Variants in WNT6 observed in about 807,000 individuals in gnomAD.
WNT6 encodes the protein Wnt family member 6.
In WNT6, 27 loss-of-function variants were observed where a neutral mutation model predicts 33.1. The observed-to-expected ratio is 0.82, with a 90% CI of 0.60 to 1.12. The LOEUF (loss-of-function observed/expected upper bound fraction) is 1.12, where lower values mean the gene tolerates loss of function less well. Ranked by LOEUF, WNT6 falls within the 50% of genes most tolerant of loss-of-function variation. The pLI is 0.00. For missense variants in WNT6, 494 were observed against 535.3 expected (o/e 0.92, Z 0.76); for synonymous variants, 249 against 242.8 (o/e 1.03, Z -0.24).
intron 1 of WNT6, 148 bp from the exon 2 acceptor site, chr2:218,870,879 G>A: frequency 1.4e-6 from 1 of 691,800 alleles, no homozygotes; most frequent in South Asian, 1.9e-5. Flanking sequence ...AGGAGAGCCA[G>A]ACAGGACAAT....
In WNT6 at chr2:218,873,723, G is replaced by A. The variant is rs1262183703; in HGVS notation, c.976G>A (p.Gly326Ser). 2 of 1,575,028 alleles carry A rather than the reference G, an allele frequency of 1.3e-6. No individual in the cohort carries two copies. Among genetic ancestry groups the A allele is most frequent in the Non-Finnish European group, 1.7e-6 (2 of 1,166,956 alleles). ...CAGCGGCTGCGACCTGCTGTGCTGCGGCCGCGGGCACCGCCAGGAGAGCGT... is the reference window on the plus strand; with the variant it reads ...CAGCGGCTGCGACCTGCTGTGCTGCAGCCGCGGGCACCGCCAGGAGAGCGT... Reference protein sequence around the residue: ...DLSGCDLLCCGRGHRQESVQL... With the variant: ...DLSGCDLLCCSRGHRQESVQL... The change falls in exon 4 of 4, where the codon GGC becomes AGC. Residue 326 changes from glycine (G) to serine (S), a missense_variant. Transcript: ENST00000233948. The surrounding 1 kb of genome is among the most constrained non-coding windows in gnomAD (Gnocchi z 6.1).
chr2:218,860,710 G>C (rs1441493146), intron 1 of WNT6, among the ~76,000 whole-genome samples: 1 of 152,206 alleles, frequency 6.6e-6, no homozygotes, highest in Non-Finnish European at 1.5e-5. Context: ...GGCCCTTCCA[G>C]ACCTGGGGGT....
At position 218,871,665 on chromosome 2, in the gene WNT6, C is replaced by A; in HGVS notation, c.482C>A (p.Pro161Gln). Reference protein sequence around the residue: ...TPGPPGPAGSPEGSAAWEWGG... With the variant: ...TPGPPGPAGSQEGSAAWEWGG... ...GGACCCCCTGGCCCCGCGGGCTCCC[C>A]GGAAGGCAGCGCCGCCTGGGAGTGG... is the stretch of plus-strand genomic sequence containing the variant. Residue 161 changes from proline to glutamine, a missense_variant, in exon 3 of 4, where the codon CCG (proline) becomes CAG (glutamine). Physicochemically the swap from Pro to Gln is moderately conservative, Grantham distance 76. Coordinates refer to ENST00000233948, the MANE Select transcript of WNT6 (RefSeq NM_006522.4). The surrounding 1 kb of genome is among the most constrained non-coding windows in gnomAD (Gnocchi z 6.4). The A allele has an allele frequency of 6.5e-7, 1 of 1,542,188 alleles. No homozygotes were observed. The highest frequency in any genetic ancestry group is 1.2e-5 in the South Asian group (1 of 82,906).
In WNT6 at chr2:218,863,420, C is replaced by T. The variant is rs147575338; in HGVS notation, c.80+3303C>T. Among the ~76,000 whole-genome samples the T allele has an allele frequency of 4.3e-4, 66 of 152,326 alleles. No individual in the cohort carries two copies. In the East Asian group the frequency reaches 0.011, roughly 26 times the overall value. On this transcript the variant is annotated intron_variant, in intron 1 of 3. Coordinates refer to ENST00000233948, the MANE Select transcript of WNT6 (RefSeq NM_006522.4). ...AGGACCCCAGGACCTTTGAGTGACT[C>T]GACTGTCTTGGTCAGGAAAGAGGCT... is the stretch of plus-strand genomic sequence containing the variant.
chr2:218,873,878 A>G lies in WNT6; in HGVS notation c.*33A>G, dbSNP rs745340366. The G allele has an allele frequency of 2.2e-5, 31 of 1,416,344 alleles. No individual in the cohort carries two copies. The highest frequency in any genetic ancestry group is 2.8e-5 in the Non-Finnish European group (30 of 1,090,772). 87.7% of individuals were successfully genotyped at this position (1,416,344 alleles called of 1,614,324 possible). On this transcript the variant is annotated 3_prime_UTR_variant, in exon 4 of 4. Transcript: ENST00000233948. The surrounding 1 kb of genome is among the most constrained non-coding windows in gnomAD (Gnocchi z 6.1). ...CCCGGCCGCTAGACTGACTTCGCGC[A>G]GCGGTGGCTCGCACCTGTGGGACCT...
intron 1 of WNT6, among the ~76,000 whole-genome samples, chr2:218,860,928 G>A (rs574524909): frequency 6.6e-6 from 1 of 151,960 alleles, no homozygotes; most frequent in Admixed American, 6.6e-5. Context: ...GTGCCCGACC[G>A]GGACGGCTCA....
chr2:218,873,379 C>G lies in WNT6; in HGVS notation c.637-5C>G, dbSNP rs749429122. 6 of 1,533,286 alleles carry G rather than the reference C, an allele frequency of 3.9e-6. No homozygotes were observed. In the South Asian group the frequency reaches 6.0e-5, roughly 15 times the overall value. The allele number at this position is 1,533,286 out of a possible 1,614,324, so 95.0% of individuals were successfully genotyped here. A position where few individuals can be genotyped will look rare whatever the true frequency, so the allele number is the denominator to read the frequency against. On this transcript the variant is annotated splice_polypyrimidine_tract_variant and splice_region_variant and intron_variant, in intron 3 of 3. Transcript: ENST00000233948. The surrounding 1 kb of genome is among the most constrained non-coding windows in gnomAD (Gnocchi z 6.1). ...CACATGCGTCCGCCCCTCTGCCTCC[C>G]GCAGGCCGTGCGGAGCCACACGCGC...
Position 218,867,614 on chromosome 2 carries a change from G to C in WNT6, c.81-3413G>C, listed in dbSNP as rs1944363972. 6.6e-6 allele frequency among the ~76,000 whole-genome samples: 1 copy of C among 152,174 alleles called. No individual in the cohort carries two copies. Among genetic ancestry groups the C allele is most frequent in the Non-Finnish European group, 1.5e-5 (1 of 68,036 alleles). On this transcript the variant is annotated intron_variant, in intron 1 of 3. Coordinates refer to ENST00000233948, the MANE Select transcript of WNT6 (RefSeq NM_006522.4). This position sits in a 1 kb window ranked among gnomAD's most constrained non-coding sequence, Gnocchi z 4.9. ...TCATTTTTTTCTATGCCCAGGAATG[G>C]CTGTTTGATGAGGATCCCAGATCCT...
rs181844292 is a variant in WNT6 at position 218,861,348 on chromosome 2, T to C, written c.80+1231T>C. ...GCTTAGTATAATGCAGTGGCAGCTT[T>C]GAAGCAGATAGATCTAAGATCTAAA... On this transcript the variant is annotated intron_variant, in intron 1 of 3. Transcript: ENST00000233948. Among the ~76,000 whole-genome samples the C allele has an allele frequency of 3.3e-3, 499 of 152,348 alleles. 5 individuals carry two copies. The highest frequency in any genetic ancestry group is 0.011 in the African/African-American group (457 of 41,578).
Position 218,871,418 on chromosome 2 carries a change from G to A in WNT6, c.302-67G>A, listed in dbSNP as rs1944399286. 1 of 1,554,936 alleles carries A rather than the reference G, an allele frequency of 6.4e-7. No individual in the cohort carries two copies. The highest frequency in any genetic ancestry group is 8.7e-7 in the Non-Finnish European group (1 of 1,149,246). On this transcript the variant is annotated intron_variant, in intron 2 of 3. Coordinates refer to ENST00000233948, the MANE Select transcript of WNT6 (RefSeq NM_006522.4). The surrounding 1 kb of genome is among the most constrained non-coding windows in gnomAD (Gnocchi z 6.4). ...CCCCTGGGGCAGCCCTCCCGCCGCA[G>A]GTTTCAGGTCCCAGGCCCCAGCTGA...
chr2:218,871,827 CGGG>C lies in WNT6; in HGVS notation c.636+9_636+11del. 1 of 1,574,954 alleles carries C rather than the reference CGGG, an allele frequency of 6.3e-7. No homozygotes were observed. Among genetic ancestry groups the C allele is most frequent in the Non-Finnish European group, 8.6e-7 (1 of 1,162,840 alleles). On this transcript the variant is annotated intron_variant, in intron 3 of 3. Coordinates refer to ENST00000233948, the MANE Select transcript of WNT6 (RefSeq NM_006522.4). This position sits in a 1 kb window ranked among gnomAD's most constrained non-coding sequence, Gnocchi z 6.4. ...AACGAGGCGGGCAGGCTGGTGCGTA[CGGG>C]CAGGATGGAGTGAGTGTGTGCGGAA...
chr2:218,865,608 C>T (rs924748960), intron 1 of WNT6, among the ~76,000 whole-genome samples: 2 of 152,184 alleles, frequency 1.3e-5, no homozygotes, highest in African/African-American at 4.8e-5. Context: ...GACTGAGAGT[C>T]CACCTCTGGC....
At chr2:218,865,388 A>G (rs888575343) in intron 1 of WNT6, among the ~76,000 whole-genome samples, 6 of 152,210 alleles carry the variant, frequency 3.9e-5, no homozygotes, top group Non-Finnish European at 8.8e-5. Context: ...AGGGAGAGAA[A>G]GGGCTCTGGG....
At chr2:218,869,391 A>G (rs1175463046) in intron 1 of WNT6, among the ~76,000 whole-genome samples, 1 of 152,124 alleles carries the variant, frequency 6.6e-6, no homozygotes, top group Non-Finnish European at 1.5e-5. Flanking sequence ...TCTATTTAAG[A>G]CCATCACATT....
Position 218,871,429 on chromosome 2 carries a change from C to T in WNT6, c.302-56C>T. Reference sequence around the variant, plus strand: ...GCCCTCCCGCCGCAGGTTTCAGGTCCCAGGCCCCAGCTGACCGCCCCAGCC... The same window carrying T: ...GCCCTCCCGCCGCAGGTTTCAGGTCTCAGGCCCCAGCTGACCGCCCCAGCC... On this transcript the variant is annotated intron_variant, in intron 2 of 3. Transcript: ENST00000233948. The surrounding 1 kb of genome is among the most constrained non-coding windows in gnomAD (Gnocchi z 6.4). The T allele has an allele frequency of 6.4e-7, 1 of 1,570,042 alleles. No individual in the cohort carries two copies. Among genetic ancestry groups the T allele is most frequent in the Non-Finnish European group, 8.6e-7 (1 of 1,161,442 alleles).
Position 218,873,329 on chromosome 2 carries a change from C to G in WNT6, c.637-55C>G, listed in dbSNP as rs1175215287. 6.8e-7 allele frequency: 1 copy of G among 1,471,164 alleles called. No individual in the cohort carries two copies. The highest frequency in any genetic ancestry group is 9.1e-7 in the Non-Finnish European group (1 of 1,100,254). 91.1% of individuals were successfully genotyped at this position (1,471,164 alleles called of 1,614,324 possible). ...TCTTATTTTCTGTCCATCCGCTGGG[C>G]CCTTCCCTGCACCCCCTACCTGTCC... On this transcript the variant is annotated intron_variant, in intron 3 of 3. Coordinates refer to ENST00000233948, the MANE Select transcript of WNT6 (RefSeq NM_006522.4). The surrounding 1 kb of genome is among the most constrained non-coding windows in gnomAD (Gnocchi z 6.1).
chr2:218,862,005 C>T (rs945463071), intron 1 of WNT6, among the ~76,000 whole-genome samples: 1 of 152,184 alleles, frequency 6.6e-6, no homozygotes, highest in African/African-American at 2.4e-5. Context: ...CTGGCTGATT[C>T]ACCTTTCTGG....
chr2:218,871,471 GTC>G lies in WNT6; in HGVS notation c.302-12_302-11del. 6.3e-7 allele frequency: 1 copy of G among 1,596,546 alleles called. No individual in the cohort carries two copies. The highest frequency in any genetic ancestry group is 8.5e-7 in the Non-Finnish European group (1 of 1,178,836). ...GCCCCAGCCCGCGCTGATTGCACCT[GTC>G]TGCATTCACAGACATTCGGGAGACG... On this transcript the variant is annotated splice_polypyrimidine_tract_variant and intron_variant, in intron 2 of 3. Transcript: ENST00000233948. The surrounding 1 kb of genome is among the most constrained non-coding windows in gnomAD (Gnocchi z 6.4).
intron 1 of WNT6, among the ~76,000 whole-genome samples, chr2:218,869,015 T>C (rs565645320): frequency 1.3e-5 from 2 of 152,148 alleles, no homozygotes; most frequent in Non-Finnish European, 2.9e-5. Flanking sequence ...CGATCAGCTC[T>C]CAAAAGTCAC....
Sources: allele counts gnomAD v4.1 joint callset (sites outside exome capture counted in the v4.1 genomes callset), GRCh38; gene constraint gnomAD v4.1.1; non-coding constraint Gnocchi (gnomAD v3.1); transcripts MANE v1.5; gene names NCBI Gene and HGNC (gene_info 2026-07-23, HGNC 2026-07-21).